Variants in DZIP1 observed in about 807,000 individuals in gnomAD.
DZIP1 encodes the protein cilium assembly protein DZIP1.
In DZIP1, 97 loss-of-function variants were observed where a neutral mutation model predicts 107.6. The observed-to-expected ratio is 0.90, with a 90% CI of 0.77 to 1.07. The LOEUF is 1.07. Among genes scored for constraint, DZIP1 ranks in the 50% least tolerant of loss-of-function variants. The pLI is 0.00. For synonymous variants in DZIP1, 390 were observed against 386.4 expected, an observed-to-expected ratio of 1.01 and a Z score of -0.11; for missense variants, 1,035 against 1,063.6, an observed-to-expected ratio of 0.97 and a Z score of 0.37.
chr13:95,600,799 G>A (rs1242280376), intron 14 of DZIP1, among the ~76,000 whole-genome samples: 1 of 152,138 alleles, frequency 6.6e-6, no homozygotes, highest in Non-Finnish European at 1.5e-5. Context: ...TCACCTAACT[G>A]CTGAAGTGTG....
chr13:95,641,412 C>T lies in DZIP1; in HGVS notation c.480G>A (p.Lys160=), dbSNP rs1387893108. The part of the protein sequence containing the change: ...RLSHCDGEQS[K]KLLTKQAGEI... ...CCCCCGCCTGCTTGGTGAGCAGCTT[C>T]TTGCTCTGCTCGCCGTCGCAGTGGC... The change falls in exon 5 of 23, where the codon AAG becomes AAA. Residue 160 remains lysine, a synonymous_variant. Coordinates refer to ENST00000376829, the MANE Select transcript of DZIP1 (RefSeq NM_198968.4). The surrounding 1 kb of genome is among the most constrained non-coding windows in gnomAD (Gnocchi z 4.3). 7 of 1,614,054 alleles carry T rather than the reference C, an allele frequency of 4.3e-6. No individual in the cohort carries two copies. Among genetic ancestry groups the T allele is most frequent in the Non-Finnish European group, 5.9e-6 (7 of 1,180,012 alleles).
rs537371647 is a variant in DZIP1, at chr13:95,636,449, C to T, written c.598-3128G>A. ...TCCCAGCTACTCGGGAGGCTGAGGC[C>T]GGAGAATCGCTTGAACCTGGGAGGT... is the stretch of plus-strand genomic sequence containing the variant. On this transcript the variant is annotated intron_variant, in intron 5 of 22. Transcript: ENST00000376829. Among the ~76,000 whole-genome samples the T allele has an allele frequency of 1.3e-4, 19 of 148,490 alleles. No individual in the cohort carries two copies. In the East Asian group the frequency reaches 2.6e-3, roughly 20 times the overall value.
At chr13:95,632,401 C>T (rs992555200) in intron 6 of DZIP1, among the ~76,000 whole-genome samples, 2 of 152,098 alleles carry the variant, frequency 1.3e-5, no homozygotes, top group African/African-American at 4.8e-5. Context: ...GACAGAAACC[C>T]AGGGTCCTCT....
intron 17 of DZIP1, 81 bp from the exon 18 acceptor site, chr13:95,590,013 C>A (rs2044269026): frequency 2.0e-6 from 3 of 1,496,912 alleles, no homozygotes; most frequent in Non-Finnish European, 2.7e-6. Flanking sequence ...TATAATACCC[C>A]CTATGCTGCT....
At chr13:95,615,874 T>C (rs1874993185) in intron 10 of DZIP1, among the ~76,000 whole-genome samples, 1 of 152,200 alleles carries the variant, frequency 6.6e-6, no homozygotes, top group Admixed American at 6.5e-5. Context: ...ACAGAACTCT[T>C]AGAAGGCTTA....
intron 13 of DZIP1, among the ~76,000 whole-genome samples, chr13:95,606,287 G>T (rs1467135378): frequency 4.6e-5 from 7 of 152,128 alleles, no homozygotes; most frequent in Non-Finnish European, 1.0e-4. Flanking sequence ...TGGGTTTTTA[G>T]CATATTCACA....
chr13:95,584,784 C>T lies in DZIP1; in HGVS notation c.2476G>A (p.Val826Met). 1 of 1,614,144 alleles carries T rather than the reference C, an allele frequency of 6.2e-7. No individual in the cohort carries two copies. The highest frequency in any genetic ancestry group is 1.1e-5 in the South Asian group (1 of 91,074). Reference sequence around the variant, plus strand: ...TTAAATGCGCCCCAGGCATTTAGCACATGAGCAAAATGTGGTTCATTTTTC... The same window carrying T: ...TTAAATGCGCCCCAGGCATTTAGCATATGAGCAAAATGTGGTTCATTTTTC... The part of the protein sequence containing the change: ...PAKNEPHFAH[V>M]LNAWGAFNPK... The change falls in exon 22 of 23, where the codon GTG becomes ATG. Residue 826 changes from valine (V) to methionine (M), a missense_variant. Transcript: ENST00000376829.
intron 16 of DZIP1, among the ~76,000 whole-genome samples, chr13:95,592,173 T>C (rs956021848): frequency 1.3e-5 from 2 of 152,074 alleles, no homozygotes; most frequent in African/African-American, 4.8e-5. Flanking sequence ...AAATCACTGT[T>C]TCAAAACCTA....
intron 19 of DZIP1, among the ~76,000 whole-genome samples, chr13:95,588,445 T>G (rs536428931): frequency 6.6e-6 from 1 of 152,352 alleles, no homozygotes; most frequent in East Asian, 1.9e-4. Context: ...ATTAAATTAT[T>G]CATGATAAAA....
At chr13:95,634,245 C>T (rs1190091500) in intron 5 of DZIP1, among the ~76,000 whole-genome samples, 1 of 152,252 alleles carries the variant, frequency 6.6e-6, no homozygotes, top group Non-Finnish European at 1.5e-5. Context: ...AGATGTCATT[C>T]ATCAAGCATC....
chr13:95,589,278 G>A, intron 18 of DZIP1, 71 bp from the exon 19 acceptor site: 1 of 1,284,782 alleles, frequency 7.8e-7, no homozygotes, highest in Non-Finnish European at 1.1e-6. Context: ...CATTTCTATG[G>A]AACTGGTGAT....
At chr13:95,605,592 A>G (rs1391833763) in intron 14 of DZIP1, among the ~76,000 whole-genome samples, 1 of 152,212 alleles carries the variant, frequency 6.6e-6, no homozygotes, top group East Asian at 1.9e-4. Flanking sequence ...GTTTGTTTAG[A>G]AAAGGTGACT....
intron 13 of DZIP1, among the ~76,000 whole-genome samples, chr13:95,606,667 A>T (rs1363415549): frequency 2.0e-5 from 3 of 152,244 alleles, no homozygotes; most frequent in African/African-American, 7.2e-5. Flanking sequence ...AGTTGTTTCC[A>T]CTGTTTAGCT....
In DZIP1 at chr13:95,589,831, C is replaced by T. The variant is rs1287158452; in HGVS notation, c.1945G>A (p.Val649Ile). The change falls in exon 18 of 23, where the codon GTT becomes ATT. Residue 649 changes from valine to isoleucine, a missense_variant. Transcript: ENST00000376829. ...GGAACAGATGTCCTATCAGTAGAAA[C>T]AGCTTTTTGTCTAATCAGTTGTCTG... Reference protein sequence around the residue: ...KNRQLIRQKAVSTDRTSVPKI... With the variant: ...KNRQLIRQKAISTDRTSVPKI... 2 of 1,613,870 alleles carry T rather than the reference C, an allele frequency of 1.2e-6. No homozygotes were observed. Among genetic ancestry groups the T allele is most frequent in the South Asian group, 1.1e-5 (1 of 91,054 alleles).
intron 19 of DZIP1, chr13:95,587,976 C>T: frequency 2.4e-6 from 1 of 421,384 alleles, no homozygotes; most frequent in Non-Finnish European, 4.2e-6. Flanking sequence ...GAAGCCGGGG[C>T]CTGTCTCCTC....
chr13:95,620,132 G>A (rs1594710535), intron 9 of DZIP1, among the ~76,000 whole-genome samples, 185 bp from the exon 10 acceptor site: 1 of 152,166 alleles, frequency 6.6e-6, no homozygotes, highest in South Asian at 2.1e-4. Flanking sequence ...GGCCTGGTGG[G>A]AGATGATTGA....
intron 17 of DZIP1, 77 bp from the exon 18 acceptor site, chr13:95,590,009 AC>A: frequency 2.0e-6 from 3 of 1,516,406 alleles, no homozygotes; most frequent in Non-Finnish European, 2.7e-6. Context: ...ACGGTATAAT[AC>A]CCCCTATGCT....
chr13:95,584,993 T>TCTAA, intron 21 of DZIP1, 83 bp from the exon 22 acceptor site: 1 of 1,109,756 alleles, frequency 9.0e-7, no homozygotes, highest in Non-Finnish European at 1.3e-6. Context: ...AGACTGAGCA[T>TCTAA]CTAACACTGA....
chr13:95,635,341 T>C (rs1275745204), intron 5 of DZIP1, among the ~76,000 whole-genome samples: 2 of 151,808 alleles, frequency 1.3e-5, no homozygotes, highest in African/African-American at 4.8e-5. Context: ...AGATTACAGG[T>C]GCCCGCCACC....
Sources: gnomAD v4.1 joint callset for allele counts (sites outside exome capture counted in the v4.1 genomes callset) on GRCh38, gnomAD v4.1.1 for gene constraint, Gnocchi (gnomAD v3.1) non-coding constraint, MANE v1.5 for transcripts, NCBI Gene and HGNC (gene_info 2026-07-23, HGNC 2026-07-21) for gene names.